EIF4ENIF1: variants seen among roughly 807,000 people sequenced by gnomAD.
EIF4ENIF1 encodes the protein eukaryotic translation initiation factor 4E nuclear import factor 1, also known as eukaryotic translation initiation factor 4E transporter.
In EIF4ENIF1, 23 loss-of-function variants were observed where a neutral mutation model predicts 110.5. The observed-to-expected ratio is 0.21, with a 90% confidence interval of 0.15 to 0.29. EIF4ENIF1 has a LOEUF of 0.29. Ranked by LOEUF, EIF4ENIF1 falls within the 10% of genes least tolerant of loss-of-function variation. The probability of loss-of-function intolerance (pLI) is 1.00; values close to 1 mark genes in which losing one functional copy is unlikely to be tolerated. For missense variants in EIF4ENIF1, 1,031 were observed against 1,221.1 expected (o/e 0.84, Z 2.32); for synonymous variants, 440 against 437.0 (o/e 1.01, Z -0.09).
chr22:31,486,150 A>G (rs1398422165), intron 2 of EIF4ENIF1, among the ~76,000 whole-genome samples: 2 of 151,834 alleles, frequency 1.3e-5, no homozygotes, highest in Non-Finnish European at 2.9e-5. Context: ...CATGCCTGTA[A>G]TCCCAGCTAC....
At chr22:31,467,828 A>C (rs1005599789) in intron 4 of EIF4ENIF1, among the ~76,000 whole-genome samples, 2 of 152,106 alleles carry the variant, frequency 1.3e-5, no homozygotes, top group Non-Finnish European at 2.9e-5. Context: ...GAATTGCCAG[A>C]ACTAATTTAT....
chr22:31,456,449 T>A (rs1046044378), intron 7 of EIF4ENIF1, among the ~76,000 whole-genome samples: 20 of 152,158 alleles, frequency 1.3e-4, no homozygotes, highest in South Asian at 2.1e-4. Context: ...GGTCTCGATC[T>A]CCTGACCTTG....
chr22:31,442,968 T>A lies in EIF4ENIF1; in HGVS notation c.2200A>T (p.Ser734Cys), dbSNP rs370449766. ...CTTAACAGCTCTGCAGTACCTTCAC[T>A]GGCCTTCTGAGTATCCTCTTTACTG... The part of the protein sequence containing the change: ...GDSKEDTQKA[S>C]EENLLSSSSV... The change falls in exon 16 of 19, where the codon AGT (serine) becomes TGT (cysteine). Residue 734 changes from serine to cysteine, a missense_variant. Physicochemically the swap from Ser to Cys is moderately radical, Grantham distance 112 (BLOSUM62 -1). Transcript: ENST00000330125. The A allele has an allele frequency of 1.2e-6, 2 of 1,614,026 alleles. No homozygotes were observed. The highest frequency in any genetic ancestry group is 4.5e-5 in the East Asian group (2 of 44,892).
intron 2 of EIF4ENIF1, among the ~76,000 whole-genome samples, chr22:31,487,793 CAAAAAAAA>C (rs35367724): frequency 2.8e-4 from 19 of 69,014 alleles, no homozygotes; most frequent in African/African-American, 7.9e-4. Flanking sequence ...CTGTCGGGTG[CAAAAAAAA>C]AAAAAAAAAA....
chr22:31,449,398 G>A lies in EIF4ENIF1; in HGVS notation c.1718C>T (p.Thr573Ile), dbSNP rs147745866. 3.2e-5 allele frequency: 51 copies of A among 1,614,060 alleles called. No individual in the cohort carries two copies. The highest frequency in any genetic ancestry group is 1.6e-4 in the Middle Eastern group (1 of 6,084). ...PSPPLSQVFQ[T>I]RAASADYLRP... ...AAGGTAGTCAGCTGAGGCTGCTCGA[G>A]TTTGAAACACCTGTGACAAGGGAGG... The change falls in exon 12 of 19, where the codon ACT becomes ATT. Residue 573 changes from threonine (T) to isoleucine (I), a missense_variant. Thr to Ile is a moderately conservative substitution (Grantham distance 89). Transcript: ENST00000330125.
chr22:31,452,639 C>T (rs71331292), intron 10 of EIF4ENIF1, among the ~76,000 whole-genome samples: 2 of 152,310 alleles, frequency 1.3e-5, no homozygotes, highest in East Asian at 1.9e-4. Context: ...ATGAACCACA[C>T]CATTGCAGTC....
chr22:31,446,251 C>T lies in EIF4ENIF1; in HGVS notation c.1988+1175G>A, dbSNP rs552532729. On this transcript the variant is annotated intron_variant, in intron 14 of 18. Transcript: ENST00000330125. ...AGTGAGCCAAGATTGTGCCACTGCA[C>T]TCCATCCTGGGCAACAGATCAAGAG... Among the ~76,000 whole-genome samples, 21 of 141,120 alleles carry T rather than the reference C, an allele frequency of 1.5e-4. No individual in the cohort carries two copies. The South Asian group carries it at 4.7e-3, about 32-fold the overall frequency. 92.6% of individuals were successfully genotyped at this position (141,120 alleles called of 152,430 possible). A position where few individuals can be genotyped will look rare whatever the true frequency, so the allele number is the denominator to read the frequency against.
At chr22:31,456,379 A>G (rs1053344083) in intron 7 of EIF4ENIF1, among the ~76,000 whole-genome samples, 40 of 151,532 alleles carry the variant, frequency 2.6e-4, no homozygotes, top group South Asian at 1.9e-3. Context: ...GCCTGCCACC[A>G]CGCCCGGCTA....
At chr22:31,465,286 G>A (rs1324218703) in intron 4 of EIF4ENIF1, among the ~76,000 whole-genome samples, 1 of 146,312 alleles carries the variant, frequency 6.8e-6, no homozygotes, top group Non-Finnish European at 1.5e-5. Context: ...CTGCACCACT[G>A]CACTGTAGCC....
rs186047469 is a variant in EIF4ENIF1, at chr22:31,466,992, C to T, written c.298+1183G>A. Among the ~76,000 whole-genome samples, 197 of 152,262 alleles carry T rather than the reference C, an allele frequency of 1.3e-3. 2 individuals are homozygous for T. The highest frequency in any genetic ancestry group is 0.01 in the South Asian group (50 of 4,822). ...CTGTGCAGTCTGTTTTTTCCAAACACAGGATACAATATGGAGAGTTTTCTA... is the reference window on the plus strand; with the variant it reads ...CTGTGCAGTCTGTTTTTTCCAAACATAGGATACAATATGGAGAGTTTTCTA... On this transcript the variant is annotated intron_variant, in intron 4 of 18. Transcript: ENST00000330125.
chr22:31,483,189 C>A (rs5994400), intron 2 of EIF4ENIF1, among the ~76,000 whole-genome samples: 29 of 147,460 alleles, frequency 2.0e-4, no homozygotes, highest in African/African-American at 6.7e-4. Context: ...GTTGAATGAG[C>A]ACCACTGCCA....
intron 2 of EIF4ENIF1, among the ~76,000 whole-genome samples, chr22:31,484,099 A>C (rs2066667145): frequency 6.6e-6 from 1 of 152,210 alleles, no homozygotes; most frequent in Non-Finnish European, 1.5e-5. Context: ...TCTAAGGAAG[A>C]CCAAAGCCTT....
At chr22:31,486,707 A>G (rs2052042682) in intron 2 of EIF4ENIF1, among the ~76,000 whole-genome samples, 1 of 152,212 alleles carries the variant, frequency 6.6e-6, no homozygotes, top group Admixed American at 6.5e-5. Flanking sequence ...TGAACCCAGG[A>G]GGCAGAGGCT....
At position 31,448,173 on chromosome 22, in the gene EIF4ENIF1, T is replaced by A; in HGVS notation, c.1828A>T (p.Met610Leu). The A allele has an allele frequency of 6.2e-7, 1 of 1,614,180 alleles. No individual in the cohort carries two copies. The change falls in exon 13 of 19, where the codon ATG becomes TTG. Residue 610 changes from methionine to leucine, a missense_variant. Met to Leu is a conservative substitution (Grantham distance 15). This residue lies in a region of EIF4ENIF1 where 704 missense variants were observed against 879.7 expected (regional missense o/e 0.80). Transcript: ENST00000330125. ...GDPFQGMRKP[M>L]SPITAQMSQL... is the part of the protein sequence containing the mutation. ...CTGACCTGGGCTGTGATGGGGCTCA[T>A]GGGTTTGCGCATGCCTTGGAATGGA...
rs753707747 is a variant in EIF4ENIF1 at position 31,463,986 on chromosome 22, GAC to G, written c.299-21_299-20del. ...CGTGGATCTGGAAGGACGTGGGAAA[GAC>G]AAAGTTAAACAAACCAACAAGGGTG... On this transcript the variant is annotated intron_variant, in intron 4 of 18. Coordinates refer to ENST00000330125, the MANE Select transcript of EIF4ENIF1 (RefSeq NM_019843.4). The G allele has an allele frequency of 3.9e-5, 63 of 1,602,208 alleles. No homozygotes were observed. Among genetic ancestry groups the G allele is most frequent in the Non-Finnish European group, 5.0e-5 (59 of 1,176,300 alleles).
chr22:31,461,777 G>C (rs1046056706), intron 6 of EIF4ENIF1: 1 of 152,190 alleles, frequency 6.6e-6, no homozygotes, highest in African/African-American at 2.4e-5. Context: ...AACTGACCTG[G>C]GAAGGCCTAA....
chr22:31,446,538 C>CT (rs1236198386), intron 14 of EIF4ENIF1, among the ~76,000 whole-genome samples: 1 of 151,980 alleles, frequency 6.6e-6, no homozygotes, highest in East Asian at 1.9e-4. Context: ...GTGGTAGTAA[C>CT]TTTAAGAATC....
intron 7 of EIF4ENIF1, among the ~76,000 whole-genome samples, chr22:31,456,417 G>A (rs1451358794): frequency 2.6e-5 from 4 of 151,672 alleles, no homozygotes; most frequent in Admixed American, 6.6e-5. Context: ...TAGAGACGGG[G>A]TTTTACCGTG....
At chr22:31,466,381 C>G (rs921727582) in intron 4 of EIF4ENIF1, among the ~76,000 whole-genome samples, 5 of 150,470 alleles carry the variant, frequency 3.3e-5, no homozygotes, top group African/African-American at 1.2e-4. Context: ...CCACTGCACT[C>G]CAGCCTGGGT....
Sources: gnomAD v4.1 joint callset for allele counts (sites outside exome capture counted in the v4.1 genomes callset) on GRCh38, gnomAD v4.1.1 for gene constraint, gnomAD v4.1.1 regional missense constraint, MANE v1.5 for transcripts, NCBI Gene and HGNC (gene_info 2026-07-23, HGNC 2026-07-21) for gene names.